The following NAALADL2 variants were observed in gnomAD, a reference collection of about 807,000 sequenced individuals.
NAALADL2 encodes N-acetylated alpha-linked acidic dipeptidase like 2.
Under a neutral mutation model 87.2 loss-of-function variants are expected in NAALADL2, and 76 were observed. The ratio of observed to expected loss-of-function variants is 0.87; its 90% CI spans 0.72 to 1.05. NAALADL2 has a LOEUF of 1.05. NAALADL2 is among the 50% of genes least tolerant of loss of function. The pLI, the probability that NAALADL2 is intolerant of heterozygous loss-of-function variation, is 0.00. For synonymous variants in NAALADL2, 354 were observed against 331.0 expected (o/e 1.07, Z -0.75); for missense variants, 1,089 against 945.8 (o/e 1.15, Z -1.99).
At chr3:174,844,987 G>T (rs1159348562) in intron 3 of NAALADL2, among the ~76,000 whole-genome samples, 1 of 151,874 alleles carries the variant, frequency 6.6e-6, no homozygotes, top group African/African-American at 2.4e-5. Flanking sequence ...GGGCCAGGGG[G>T]AGTGGGGCTG....
intron 2 of NAALADL2, among the ~76,000 whole-genome samples, chr3:174,572,009 C>T (rs746264685): frequency 6.6e-6 from 1 of 152,172 alleles, no homozygotes; most frequent in Non-Finnish European, 1.5e-5. Context: ...TTTTATGATA[C>T]CGCAGGTAGA....
intron 2 of NAALADL2, among the ~76,000 whole-genome samples, chr3:174,711,330 A>C (rs1038959827): frequency 6.6e-6 from 1 of 152,064 alleles, no homozygotes; most frequent in Non-Finnish European, 1.5e-5. Context: ...TTTTATACAA[A>C]ATTTTCCATC....
chr3:175,170,986 C>T (rs1238159068), intron 2 of NAALADL2, among the ~76,000 whole-genome samples: 2 of 151,812 alleles, frequency 1.3e-5, no homozygotes, highest in African/African-American at 4.8e-5. Context: ...ACTTTTTTCT[C>T]ATTCACATTT....
intron 3 of NAALADL2, among the ~76,000 whole-genome samples, chr3:174,779,233 T>G (rs1317312974): frequency 1.3e-5 from 2 of 152,224 alleles, no homozygotes; most frequent in Non-Finnish European, 2.9e-5. Flanking sequence ...TGACCAGTGA[T>G]GATGAGCTTT....
At chr3:174,754,600 C>T (rs996672248) in intron 3 of NAALADL2, among the ~76,000 whole-genome samples, 2 of 151,580 alleles carry the variant, frequency 1.3e-5, no homozygotes, top group African/African-American at 2.4e-5. Context: ...CAGGCTACAT[C>T]ATGCCTGGGA....
intron 4 of NAALADL2, among the ~76,000 whole-genome samples, chr3:175,259,721 A>C (rs1398884041): frequency 6.6e-6 from 1 of 152,186 alleles, no homozygotes; most frequent in Non-Finnish European, 1.5e-5. Context: ...AGCTTTTGAA[A>C]ATTCAGGTTA....
chr3:175,641,234 G>A (rs1390386256), intron 11 of NAALADL2, among the ~76,000 whole-genome samples: 1 of 152,160 alleles, frequency 6.6e-6, no homozygotes, highest in Non-Finnish European at 1.5e-5. Context: ...CTTTCCTGGA[G>A]ATGCTTTATA....
chr3:174,847,765 T>C (rs149705160), intron 3 of NAALADL2, among the ~76,000 whole-genome samples: 625 of 150,960 alleles, frequency 4.1e-3, no homozygotes, highest in African/African-American at 0.014. Context: ...AGCTTTACTC[T>C]AAAATGCATG....
intron 2 of NAALADL2, among the ~76,000 whole-genome samples, chr3:175,122,300 A>G (rs1356599197): frequency 6.6e-6 from 1 of 151,844 alleles, no homozygotes; most frequent in East Asian, 1.9e-4. Flanking sequence ...TGCACTGGAA[A>G]AGTTTTATTG....
At chr3:174,611,278 C>T (rs1360682181) in intron 2 of NAALADL2, among the ~76,000 whole-genome samples, 1 of 151,814 alleles carries the variant, frequency 6.6e-6, no homozygotes, top group African/African-American at 2.4e-5. Context: ...AACTAACCTG[C>T]ACATTGTGCA....
intron 3 of NAALADL2, among the ~76,000 whole-genome samples, chr3:174,780,429 C>G (rs1053760622): frequency 1.1e-4 from 16 of 152,150 alleles, no homozygotes; most frequent in Admixed American, 1.3e-4. Context: ...CATCTGCAAA[C>G]AGAGACAATT....
intron 4 of NAALADL2, among the ~76,000 whole-genome samples, chr3:175,259,413 T>C (rs1750634053): frequency 6.6e-6 from 1 of 152,190 alleles, no homozygotes; most frequent in Admixed American, 6.5e-5. Context: ...ATTATAGGAC[T>C]TTTATTATTA....
intron 4 of NAALADL2, among the ~76,000 whole-genome samples, chr3:175,289,938 C>T (rs1302905243): frequency 6.6e-6 from 1 of 152,064 alleles, no homozygotes; most frequent in African/African-American, 2.4e-5. Flanking sequence ...TTTAAACAAA[C>T]AAATTATACA....
chr3:175,614,113 C>T (rs1312382877), intron 10 of NAALADL2, among the ~76,000 whole-genome samples: 1 of 152,166 alleles, frequency 6.6e-6, no homozygotes, highest in Non-Finnish European at 1.5e-5. Flanking sequence ...AATGCAGTGG[C>T]ACAATCTCAG....
At chr3:175,677,992 C>G (rs777872910) in intron 11 of NAALADL2, among the ~76,000 whole-genome samples, 2 of 152,094 alleles carry the variant, frequency 1.3e-5, no homozygotes, top group Admixed American at 6.5e-5. Flanking sequence ...TTAGCCCTCT[C>G]AGGAATTTTA....
chr3:175,789,919 A>G (rs1752571252), intron 13 of NAALADL2, among the ~76,000 whole-genome samples: 1 of 152,166 alleles, frequency 6.6e-6, no homozygotes, highest in South Asian at 2.1e-4. Flanking sequence ...CCTAAGTATA[A>G]TTTAATAAAT....
intron 2 of NAALADL2, among the ~76,000 whole-genome samples, chr3:174,611,616 G>T (rs1719891986): frequency 6.6e-6 from 1 of 152,038 alleles, no homozygotes; most frequent in South Asian, 2.1e-4. Context: ...TTTTGAGACG[G>T]AGTCTTGCTC....
chr3:174,814,879 G>GT (rs749367521), intron 3 of NAALADL2, among the ~76,000 whole-genome samples: 126 of 152,294 alleles, frequency 8.3e-4, no homozygotes, highest in Non-Finnish European at 1.6e-3. Flanking sequence ...CACAGAAGTA[G>GT]TCTGTGGGTA....
intron 1 of NAALADL2, among the ~76,000 whole-genome samples, chr3:175,094,764 G>GTGTGTT (rs955640107): frequency 3.4e-5 from 5 of 148,138 alleles, no homozygotes; most frequent in African/African-American, 1.3e-4. Context: ...TATAGTGTGT[G>GTGTGTT]TGTGTGTGTG....
Sources: allele counts gnomAD v4.1 joint callset (sites outside exome capture counted in the v4.1 genomes callset), GRCh38; gene constraint gnomAD v4.1.1; transcripts MANE v1.5; gene names NCBI Gene and HGNC (gene_info 2026-07-23, HGNC 2026-07-21).